GSTZ1: variants seen among roughly 807,000 people sequenced by gnomAD.
GSTZ1 encodes the protein glutathione S-transferase zeta 1.
In GSTZ1, 34 loss-of-function variants were observed where a neutral mutation model predicts 35.9. The ratio of observed to expected loss-of-function variants is 0.95; its 90% confidence interval spans 0.72 to 1.26. GSTZ1 has a LOEUF of 1.26. Among genes scored for constraint, GSTZ1 ranks in the 50% most tolerant of loss-of-function variants. The pLI is 0.00. For synonymous variants in GSTZ1, 93 were observed against 101.2 expected, an observed-to-expected ratio of 0.92 and a Z score of 0.49; for missense variants, 263 against 271.7, an observed-to-expected ratio of 0.97 and a Z score of 0.23.
chr14:77,321,339 C>T (rs372580390), intron 1 of GSTZ1, 156 bp downstream of exon 1: 3 of 1,533,378 alleles, frequency 2.0e-6, no homozygotes, highest in South Asian at 1.2e-5. Context: ...GCGTGCTGCG[C>T]GCTGCCCGCT....
intron 1 of GSTZ1, chr14:77,324,655 T>C (rs1892214307): frequency 6.9e-7 from 1 of 1,458,428 alleles, no homozygotes; most frequent in Admixed American, 2.0e-5. Flanking sequence ...AGCTGCCCCT[T>C]TGGGGGCCTC....
intron 7 of GSTZ1, 124 bp downstream of exon 7, chr14:77,329,931 C>A: frequency 1.3e-6 from 1 of 749,700 alleles, no homozygotes; most frequent in East Asian, 2.6e-5. Flanking sequence ...ATGGGGCACT[C>A]CTCAGCTCAC....
Position 77,331,144 on chromosome 14 carries a change from G to C in GSTZ1, c.600G>C (p.Gln200His). 2.5e-6 allele frequency: 4 copies of C among 1,614,106 alleles called. No individual in the cohort carries two copies. Among genetic ancestry groups the C allele is most frequent in the Non-Finnish European group, 3.4e-6 (4 of 1,179,998 alleles). ...GGCTGCTGGTCTTGGAGGCCTTCCA[G>C]GTGTCTCACCCCTGCCGGCAGCCAG... ...NKRLLVLEAFQVSHPCRQPDT... is the reference protein window; with the variant it reads ...NKRLLVLEAFHVSHPCRQPDT... The change falls in exon 9 of 9, where the codon CAG becomes CAC. Residue 200 changes from glutamine to histidine, a missense_variant. Transcript: ENST00000216465.
At chr14:77,321,286 A>G in intron 1 of GSTZ1, 103 bp downstream of exon 1, 2 of 1,521,040 alleles carry the variant, frequency 1.3e-6, no homozygotes, top group East Asian at 4.9e-5. Flanking sequence ...GCCGACAACG[A>G]CTCCCGGCAT....
rs562913153 is a variant in GSTZ1 at position 77,330,183 on chromosome 14, G to T, written c.475-127G>T. ...AGGCCTAGGGCAGACAAGAATTGGA[G>T]GTGGGATGGGTGAAAGAGCCGAAGC... On this transcript the variant is annotated intron_variant, in intron 7 of 8. Coordinates refer to ENST00000216465, the MANE Select transcript of GSTZ1 (RefSeq NM_145870.3). The T allele has an allele frequency of 2.2e-5, 18 of 802,076 alleles. No individual in the cohort carries two copies. The African/African-American group carries it at 2.5e-4, about 11-fold the overall frequency. 49.7% of individuals were successfully genotyped at this position (802,076 alleles called of 1,614,324 possible).
In GSTZ1 at chr14:77,327,964, C is replaced by G; in HGVS notation, c.269C>G (p.Pro90Arg). ...ATGCGTCCCACTCCGCGACTTCTGC[C>G]TCAGGACCCAAAGAAGAGGGCCAGC... ...EEMRPTPRLL[P>R]QDPKKRASVR... The change falls in exon 5 of 9, where the codon CCT becomes CGT. Residue 90 changes from proline (P) to arginine (R), a missense_variant. Transcript: ENST00000216465. 6.2e-7 allele frequency: 1 copy of G among 1,614,000 alleles called. No homozygotes were observed. The highest frequency in any genetic ancestry group is 1.3e-5 in the African/African-American group (1 of 75,034).
chr14:77,324,772 G>C, intron 1 of GSTZ1, 98 bp from the exon 2 acceptor site: 1 of 1,272,454 alleles, frequency 7.9e-7, no homozygotes, highest in Non-Finnish European at 1.1e-6. Context: ...AGGCCTGAGA[G>C]AGGAGGCCTG....
intron 1 of GSTZ1, chr14:77,324,448 A>G: frequency 1.4e-6 from 1 of 696,956 alleles, no homozygotes; most frequent in Non-Finnish European, 2.6e-6. Context: ...GCCTGGCCAG[A>G]AATGCCCTTT....
intron 5 of GSTZ1, 126 bp from the exon 6 acceptor site, chr14:77,328,997 T>G: frequency 1.3e-6 from 1 of 757,136 alleles, no homozygotes. Context: ...TCATGGAGCC[T>G]GGGGGAGAAG....
intron 1 of GSTZ1, chr14:77,321,463 C>A (rs1891968486): frequency 6.6e-7 from 1 of 1,509,178 alleles, no homozygotes; most frequent in East Asian, 2.6e-5. Context: ...CCTCCCTGCT[C>A]CCCATAACAG....
chr14:77,321,520 A>C (rs1238398439), intron 1 of GSTZ1: 1 of 1,337,848 alleles, frequency 7.5e-7, no homozygotes, highest in African/African-American at 1.5e-5. Flanking sequence ...AAGCCTCCCA[A>C]TTTCTCGCAG....
intron 1 of GSTZ1, chr14:77,324,464 C>A: frequency 1.3e-6 from 1 of 745,948 alleles, no homozygotes; most frequent in Admixed American, 2.0e-5. Flanking sequence ...CCTTTCTGAC[C>A]AGAGTCAAAG....
At chr14:77,321,474 A>AC in intron 1 of GSTZ1, 1 of 1,482,584 alleles carries the variant, frequency 6.7e-7, no homozygotes, top group East Asian at 2.7e-5. Flanking sequence ...CCCATAACAG[A>AC]CCCCTCCCTC....
intron 1 of GSTZ1, among the ~76,000 whole-genome samples, chr14:77,322,173 G>T (rs1190138105): frequency 6.6e-6 from 1 of 152,198 alleles, no homozygotes; most frequent in African/African-American, 2.4e-5. Context: ...GATTTTAGGA[G>T]TCTTTTTCTC....
At chr14:77,330,124 G>A in intron 7 of GSTZ1, 186 bp from the exon 8 acceptor site, 1 of 730,026 alleles carries the variant, frequency 1.4e-6, no homozygotes, top group Non-Finnish European at 2.5e-6. Flanking sequence ...CATGGCCTGG[G>A]AGGGCACTTC....
At chr14:77,326,534 G>T in intron 2 of GSTZ1, 1 of 310,874 alleles carries the variant, frequency 3.2e-6, no homozygotes, top group Non-Finnish European at 6.2e-6. Flanking sequence ...AGCCCACAGA[G>T]TGCCAGGGCA....
chr14:77,328,994 G>A, intron 5 of GSTZ1, 129 bp from the exon 6 acceptor site: 3 of 745,650 alleles, frequency 4.0e-6, no homozygotes. Flanking sequence ...GGCTCATGGA[G>A]CCTGGGGGAG....
rs199798136 is a variant in GSTZ1, at chr14:77,329,179, C to A, written c.399C>A (p.Asn133Lys). 8.1e-6 allele frequency: 13 copies of A among 1,611,194 alleles called. No homozygotes were observed. The Admixed American group carries it at 2.2e-4, about 27-fold the overall frequency. The change falls in exon 6 of 9, where the codon AAC becomes AAA. Residue 133 changes from asparagine to lysine, a missense_variant. Coordinates refer to ENST00000216465, the MANE Select transcript of GSTZ1 (RefSeq NM_145870.3). Reference protein sequence around the residue: ...GEEMQLTWAQNAITCGFNALE... With the variant: ...GEEMQLTWAQKAITCGFNALE... ...AGATGCAGCTGACCTGGGCCCAGAACGCCATCACTTGTGGCTTTAACGGTG... is the reference window on the plus strand; with the variant it reads ...AGATGCAGCTGACCTGGGCCCAGAAAGCCATCACTTGTGGCTTTAACGGTG...
At chr14:77,326,790 T>C (rs1170354537) in intron 2 of GSTZ1, 48 bp from the exon 3 acceptor site, 4 of 1,363,842 alleles carry the variant, frequency 2.9e-6, no homozygotes, top group South Asian at 1.2e-5. Context: ...CCTTTAAGAG[T>C]ACGGCGAGAG....
Sources: gnomAD v4.1 joint callset for allele counts (sites outside exome capture counted in the v4.1 genomes callset) on GRCh38, gnomAD v4.1.1 for gene constraint, MANE v1.5 for transcripts, NCBI Gene and HGNC (gene_info 2026-07-23, HGNC 2026-07-21) for gene names.